TBXAS1: variants seen among roughly 807,000 people sequenced by gnomAD.
TBXAS1 encodes the protein thromboxane A synthase 1.
A neutral mutation model predicts 60.7 loss-of-function variants in TBXAS1; 48 were observed. That is an observed-to-expected ratio of 0.79 (90% CI 0.63 to 1.01). The LOEUF (loss-of-function observed/expected upper bound fraction) is 1.01. Among genes scored for constraint, TBXAS1 ranks in the 50% least tolerant of loss-of-function variants. The pLI, the probability that TBXAS1 is intolerant of heterozygous loss-of-function variation, is 0.00. For synonymous variants in TBXAS1, 287 were observed against 269.7 expected (o/e 1.06, Z -0.63); for missense variants, 685 against 686.3 (o/e 1.00, Z 0.02).
At chr7:139,859,898 G>A (rs530280504) in intron 1 of TBXAS1, among the ~76,000 whole-genome samples, 11 of 152,144 alleles carry the variant, frequency 7.2e-5, no homozygotes, top group South Asian at 2.1e-4. Context: ...CAGCACTTTG[G>A]GAGGCCGAGG....
chr7:139,937,743 C>T (rs931696891), intron 5 of TBXAS1, among the ~76,000 whole-genome samples: 1 of 152,158 alleles, frequency 6.6e-6, no homozygotes, highest in Non-Finnish European at 1.5e-5. Flanking sequence ...AGTCTCATAG[C>T]TAGTAAGCAG....
intron 3 of TBXAS1, among the ~76,000 whole-genome samples, chr7:139,899,443 A>G (rs921079804): frequency 6.6e-6 from 1 of 152,220 alleles, no homozygotes; most frequent in Non-Finnish European, 1.5e-5. Context: ...GCTGTGAACT[A>G]TTTTGGTTTA....
intron 3 of TBXAS1, among the ~76,000 whole-genome samples, chr7:139,904,255 T>C (rs1584812329): frequency 6.6e-6 from 1 of 152,190 alleles, no homozygotes; most frequent in East Asian, 1.9e-4. Context: ...CAGTTGGTTG[T>C]AAGTATTTGA....
At chr7:139,953,174 C>T (rs921264937) in intron 5 of TBXAS1, among the ~76,000 whole-genome samples, 194 bp from the exon 6 acceptor site, 4 of 152,154 alleles carry the variant, frequency 2.6e-5, no homozygotes, top group South Asian at 2.1e-4. Context: ...CTAAAATAGA[C>T]GTTTAGAGCT....
chr7:139,842,770 G>T (rs562647772), intron 1 of TBXAS1, among the ~76,000 whole-genome samples: 1 of 152,210 alleles, frequency 6.6e-6, no homozygotes, highest in Non-Finnish European at 1.5e-5. Flanking sequence ...GCCCTGGCCC[G>T]CGCTGTGGGG....
In TBXAS1 at chr7:139,872,285, C is replaced by T; in HGVS notation, c.140C>T (p.Pro47Leu). ...SRLEKLGLRH[P>L]KPSPFIGNLT... Reference sequence around the variant, plus strand: ...CTGGAGAAGTTAGGCCTCAGACATCCCAAGCCTTCTCCTTTCATTGGAAAC... The same window carrying T: ...CTGGAGAAGTTAGGCCTCAGACATCTCAAGCCTTCTCCTTTCATTGGAAAC... Residue 47 changes from proline to leucine, a missense_variant, in exon 2 of 13, where the codon CCC becomes CTC. Transcript: ENST00000448866. 1 of 1,614,102 alleles carries T rather than the reference C, an allele frequency of 6.2e-7. No homozygotes were observed. Among genetic ancestry groups the T allele is most frequent in the Non-Finnish European group, 8.5e-7 (1 of 1,179,968 alleles).
chr7:139,979,958 A>G (rs942267753), intron 9 of TBXAS1, among the ~76,000 whole-genome samples: 3 of 151,544 alleles, frequency 2.0e-5, no homozygotes, highest in East Asian at 1.9e-4. Flanking sequence ...TAAAATCCAC[A>G]TATCAGGAAT....
intron 4 of TBXAS1, among the ~76,000 whole-genome samples, chr7:139,798,563 C>A (rs549977754): frequency 6.6e-6 from 1 of 152,252 alleles, no homozygotes; most frequent in South Asian, 2.1e-4. Flanking sequence ...AGAATAGAAA[C>A]CTTCTATGCA....
At chr7:140,012,940 AG>A (rs1158192972) in intron 10 of TBXAS1, among the ~76,000 whole-genome samples, 41 of 152,334 alleles carry the variant, frequency 2.7e-4, no homozygotes, top group African/African-American at 8.9e-4. Context: ...AGATCAGGAA[AG>A]GACACTTATA....
At chr7:139,845,832 T>TG (rs1193058335) in intron 1 of TBXAS1, among the ~76,000 whole-genome samples, 1 of 151,392 alleles carries the variant, frequency 6.6e-6, no homozygotes, top group African/African-American at 2.4e-5. Flanking sequence ...AGTTTTTTTT[T>TG]TTTTTTTTTT....
Position 139,961,947 on chromosome 7 carries a change from T to G in TBXAS1, c.848T>G (p.Leu283Arg). ...ERRRDFLQMV[L>R]DARHSASPMG... ...CGGAGAGACTTCCTCCAAATGGTCC[T>G]GGATGCCCGACATTCTGCAAGTCCC... The change falls in exon 9 of 13, where the codon CTG becomes CGG. Residue 283 changes from leucine (L) to arginine (R), a missense_variant. Transcript: ENST00000448866. 1 of 1,614,252 alleles carries G rather than the reference T, an allele frequency of 6.2e-7. No homozygotes were observed. The highest frequency in any genetic ancestry group is 8.5e-7 in the Non-Finnish European group (1 of 1,180,036).
chr7:139,890,834 T>G, intron 3 of TBXAS1, among the ~76,000 whole-genome samples: 1 of 152,248 alleles, frequency 6.6e-6, no homozygotes, highest in East Asian at 1.9e-4. Flanking sequence ...TTCCTTTTAT[T>G]CCCAGTGTTC....
At chr7:140,016,284 T>C (rs1021417715) in intron 11 of TBXAS1, 17 of 301,356 alleles carry the variant, frequency 5.6e-5, no homozygotes, top group East Asian at 4.6e-4. Flanking sequence ...GCCGAGATGG[T>C]GCCACTACAC....
At chr7:139,779,381 A>G (rs1460519130) in intron 1 of TBXAS1, among the ~76,000 whole-genome samples, 1 of 152,102 alleles carries the variant, frequency 6.6e-6, no homozygotes, top group East Asian at 1.9e-4. Flanking sequence ...AATCAATGCT[A>G]CACTTCCTAT....
intron 8 of TBXAS1, among the ~76,000 whole-genome samples, chr7:139,958,009 C>G (rs531439573): frequency 1.2e-4 from 19 of 152,102 alleles, no homozygotes; most frequent in Non-Finnish European, 1.8e-4. Context: ...CGGACACGGA[C>G]GGGTAGAATT....
intron 4 of TBXAS1, among the ~76,000 whole-genome samples, chr7:139,911,966 C>T (rs188850927): frequency 1.9e-4 from 29 of 152,334 alleles, no homozygotes; most frequent in East Asian, 9.6e-4. Context: ...CACAGTGGCT[C>T]ATACCTGTAG....
At chr7:139,819,968 G>C (rs899861980) in intron 4 of TBXAS1, among the ~76,000 whole-genome samples, 1 of 151,880 alleles carries the variant, frequency 6.6e-6, no homozygotes, top group African/African-American at 2.4e-5. Flanking sequence ...TGCCCCCTTT[G>C]CTCTGTAGTG....
intron 9 of TBXAS1, among the ~76,000 whole-genome samples, chr7:139,984,946 A>AAAAGAAAGAAAGAAAGAAAGAAAGAAAG (rs111228602): frequency 1.6e-4 from 23 of 141,898 alleles, no homozygotes; most frequent in African/African-American, 5.5e-4. Flanking sequence ...GAAAGAAAAG[A>AAAAGAAAGAAAGAAAGAAAGAAAGAAAG]AAAGAAAGAA....
At chr7:139,788,862 T>G (rs1444456073) in intron 4 of TBXAS1, among the ~76,000 whole-genome samples, 3 of 152,218 alleles carry the variant, frequency 2.0e-5, no homozygotes, top group Admixed American at 2.0e-4. Flanking sequence ...GGGGAGGGCC[T>G]TTAGTGCCCA....
Sources: allele counts gnomAD v4.1 joint callset (sites outside exome capture counted in the v4.1 genomes callset), GRCh38; gene constraint gnomAD v4.1.1; transcripts MANE v1.5; gene names NCBI Gene and HGNC (gene_info 2026-07-23, HGNC 2026-07-21).